The following SYNJ1 variants were observed in gnomAD, a reference collection of about 807,000 sequenced individuals.
SYNJ1 encodes synaptojanin 1.
SYNJ1 carries 78 observed loss-of-function variants against 168.2 expected under a neutral mutation model. The ratio of observed to expected loss-of-function variants is 0.46; its 90% confidence interval spans 0.39 to 0.56. The LOEUF is 0.56. Among genes scored for constraint, SYNJ1 ranks in the 20% least tolerant of loss-of-function variants. SYNJ1 has a pLI of 0.00. For missense variants in SYNJ1, 1,303 were observed against 1,597.6 expected, an observed-to-expected ratio of 0.82 and a Z score of 3.14; for synonymous variants, 539 against 548.6, an observed-to-expected ratio of 0.98 and a Z score of 0.24.
intron 29 of SYNJ1, among the ~76,000 whole-genome samples, chr21:32,641,619 C>A (rs1295048419): frequency 6.6e-6 from 1 of 152,152 alleles, no homozygotes; most frequent in Non-Finnish European, 1.5e-5. Context: ...CCAAATCCAT[C>A]ATTTCCTCAT....
intron 13 of SYNJ1, among the ~76,000 whole-genome samples, chr21:32,675,707 A>G (rs965849414): frequency 6.6e-6 from 1 of 152,248 alleles, no homozygotes; most frequent in African/African-American, 2.4e-5. Context: ...TGCCCAGAGA[A>G]TGAAGACGTG....
chr21:32,651,517 C>T (rs1006286233), intron 22 of SYNJ1, among the ~76,000 whole-genome samples: 2 of 152,186 alleles, frequency 1.3e-5, no homozygotes, highest in Non-Finnish European at 2.9e-5. Flanking sequence ...GTACTAAAAT[C>T]AATCCAATTT....
At chr21:32,661,268 G>A (rs979000560) in intron 18 of SYNJ1, among the ~76,000 whole-genome samples, 12 of 152,170 alleles carry the variant, frequency 7.9e-5, no homozygotes, top group African/African-American at 2.9e-4. Flanking sequence ...GTAGCACAAT[G>A]GTGTGTTACT....
At chr21:32,722,859 A>C (rs1466561351) in intron 2 of SYNJ1, among the ~76,000 whole-genome samples, 1 of 152,218 alleles carries the variant, frequency 6.6e-6, no homozygotes, top group East Asian at 1.9e-4. Context: ...TGACAGTTTC[A>C]AGAAAACTAC....
At chr21:32,709,521 GT>G (rs368352218) in intron 2 of SYNJ1, among the ~76,000 whole-genome samples, 72 of 127,916 alleles carry the variant, frequency 5.6e-4, no homozygotes, top group Non-Finnish European at 6.2e-4. Flanking sequence ...TTTATGGAGT[GT>G]TTTTTTTTTT....
intron 2 of SYNJ1, among the ~76,000 whole-genome samples, chr21:32,704,770 G>A (rs2042544385): frequency 6.6e-6 from 1 of 152,168 alleles, no homozygotes; most frequent in African/African-American, 2.4e-5. Flanking sequence ...GTATGATCAA[G>A]GATAATGAGA....
In SYNJ1 at chr21:32,696,257, C is replaced by G. The variant is rs913966291; in HGVS notation, c.480-975G>C. On this transcript the variant is annotated intron_variant, in intron 4 of 32. Coordinates refer to ENST00000674351, the MANE Select transcript of SYNJ1 (RefSeq NM_203446.3). Reference sequence around the variant, plus strand: ...TGGCTACCACATTAGATAGTGCAGGCATAGGGTTTATCATCGCTCCAAATA... The same window carrying G: ...TGGCTACCACATTAGATAGTGCAGGGATAGGGTTTATCATCGCTCCAAATA... Among the ~76,000 whole-genome samples the G allele has an allele frequency of 5.3e-5, 8 of 152,300 alleles. No individual in the cohort carries two copies. In the East Asian group the frequency reaches 1.5e-3, roughly 29 times the overall value.
Position 32,727,061 on chromosome 21 carries a change from C to T in SYNJ1, c.-22-144G>A, listed in dbSNP as rs534924080. On this transcript the variant is annotated intron_variant, in intron 1 of 32. Transcript: ENST00000674351. ...AACAGACAGCTCTGGGAGAAAATGG[C>T]TTTTTCCAAAAGATAAGTCGTCACT... 9.5e-5 allele frequency: 107 copies of T among 1,131,668 alleles called. 1 individual carries two copies. In the South Asian group the frequency reaches 1.8e-3, roughly 19 times the overall value. 70.1% of individuals were successfully genotyped at this position (1,131,668 alleles called of 1,614,324 possible). A position where few individuals can be genotyped will look rare whatever the true frequency, so the allele number is the denominator to read the frequency against.
At chr21:32,659,977 T>C (rs977322692) in intron 18 of SYNJ1, among the ~76,000 whole-genome samples, 1 of 152,180 alleles carries the variant, frequency 6.6e-6, no homozygotes, top group Non-Finnish European at 1.5e-5. Context: ...GGGTAGGTAA[T>C]TGCCCCGGTC....
intron 12 of SYNJ1, among the ~76,000 whole-genome samples, chr21:32,678,263 C>T (rs2041488896): frequency 6.6e-6 from 1 of 152,166 alleles, no homozygotes; most frequent in Non-Finnish European, 1.5e-5. Context: ...TAAAAAATAA[C>T]CAATATAGGC....
chr21:32,645,573 A>T, intron 25 of SYNJ1, 73 bp downstream of exon 25: 2 of 1,432,534 alleles, frequency 1.4e-6, no homozygotes, highest in South Asian at 3.1e-5. Context: ...TAGAGATTGG[A>T]AAACATGCAA....
intron 5 of SYNJ1, among the ~76,000 whole-genome samples, chr21:32,694,558 T>A (rs1189552393): frequency 6.6e-6 from 1 of 152,178 alleles, no homozygotes; most frequent in Non-Finnish European, 1.5e-5. Context: ...TCCTTTTAAA[T>A]CTTAATATTT....
intron 18 of SYNJ1, among the ~76,000 whole-genome samples, chr21:32,663,432 G>C (rs571474146): frequency 6.6e-6 from 1 of 152,172 alleles, no homozygotes; most frequent in Non-Finnish European, 1.5e-5. Context: ...GGACCCATCC[G>C]GAGTCCCACC....
At chr21:32,653,218 T>C (rs2040339169) in intron 22 of SYNJ1, 70 bp downstream of exon 22, 2 of 1,235,090 alleles carry the variant, frequency 1.6e-6, no homozygotes, top group Non-Finnish European at 2.4e-6. Context: ...GCTGCATGTC[T>C]ATAAAAATAT....
At chr21:32,688,906 C>T (rs2041925057) in intron 6 of SYNJ1, among the ~76,000 whole-genome samples, 1 of 152,200 alleles carries the variant, frequency 6.6e-6, no homozygotes, top group Non-Finnish European at 1.5e-5. Context: ...TCTATTCACA[C>T]CAAAGTTCCA....
intron 29 of SYNJ1, among the ~76,000 whole-genome samples, chr21:32,640,810 C>A (rs981262108): frequency 1.3e-5 from 2 of 152,154 alleles, no homozygotes; most frequent in African/African-American, 4.8e-5. Flanking sequence ...AAAGACTCAT[C>A]AGTGAAAAAT....
At chr21:32,671,186 A>G (rs997950419) in intron 14 of SYNJ1, among the ~76,000 whole-genome samples, 9 of 152,164 alleles carry the variant, frequency 5.9e-5, no homozygotes, top group African/African-American at 2.2e-4. Context: ...GCATGGTGGC[A>G]TGCCTAGCTA....
rs57257560 is a variant in SYNJ1 at position 32,631,618 on chromosome 21, A to AAGTATT, written c.*186_*187insAATACT. 0.51 allele frequency: 828,811 copies of AAGTATT among 1,612,894 alleles called. 215,565 individuals carry two copies. Among genetic ancestry groups the AAGTATT allele is most frequent in the African/African-American group, 0.68 (51,165 of 74,694 alleles). On this transcript the variant is annotated 3_prime_UTR_variant, in exon 33 of 33. Transcript: ENST00000674351. ...GTTGGCATGCAACTTACAGAACTCAAAACATTACTTTGCGTTGCAGAAGGC... is the reference window on the plus strand; with the variant it reads ...GTTGGCATGCAACTTACAGAACTCAAAGTATTAACATTACTTTGCGTTGCAGAAGGC...
At position 32,631,289 on chromosome 21, in the gene SYNJ1, G is replaced by T. The variant is rs1489529212; in HGVS notation, c.*516C>A. 4 of 1,614,070 alleles carry T rather than the reference G, an allele frequency of 2.5e-6. No homozygotes were observed. Among genetic ancestry groups the T allele is most frequent in the Non-Finnish European group, 3.4e-6 (4 of 1,180,058 alleles). On this transcript the variant is annotated 3_prime_UTR_variant, in exon 33 of 33. Coordinates refer to ENST00000674351, the MANE Select transcript of SYNJ1 (RefSeq NM_203446.3). ...CGAAGGTTACCCATCCTTTCGGGTT[G>T]CTAATTTTTAATGTAGACTGGCCCT...
Sources: allele counts gnomAD v4.1 joint callset (sites outside exome capture counted in the v4.1 genomes callset), GRCh38; gene constraint gnomAD v4.1.1; transcripts MANE v1.5; gene names NCBI Gene and HGNC (gene_info 2026-07-23, HGNC 2026-07-21).